The following SLC38A11 variants were observed in gnomAD, a reference collection of about 807,000 sequenced individuals.
The protein encoded by SLC38A11 is putative sodium-coupled neutral amino acid transporter 11.
Under a neutral mutation model 49.4 loss-of-function variants are expected in SLC38A11, and 51 were observed. The ratio of observed to expected loss-of-function variants is 1.03; its 90% CI spans 0.83 to 1.30. The LOEUF is 1.30. Ranked by LOEUF, SLC38A11 falls within the 50% of genes most tolerant of loss-of-function variation. The pLI is 0.00. For synonymous variants in SLC38A11, 203 were observed against 192.9 expected, an observed-to-expected ratio of 1.05 and a Z score of -0.43; for missense variants, 574 against 556.2, an observed-to-expected ratio of 1.03 and a Z score of -0.32.
chr2:164,944,871 C>A lies in SLC38A11; in HGVS notation c.365-237G>T, dbSNP rs80135534. On this transcript the variant is annotated intron_variant, in intron 4 of 11. Transcript: ENST00000685975. ...TTACAAGTTGATTCATCTCAGAATA[C>A]CTTTAAGTAGCAAGTTTTGGTAGTT... 1.2e-3 allele frequency among the ~76,000 whole-genome samples: 182 copies of A among 152,142 alleles called. 13 individuals carry two copies. In the East Asian group the frequency reaches 0.035, roughly 29 times the overall value.
chr2:164,924,678 T>G (rs930851232), intron 7 of SLC38A11, among the ~76,000 whole-genome samples: 5 of 152,074 alleles, frequency 3.3e-5, no homozygotes, highest in African/African-American at 9.7e-5. Context: ...TAGTTAAAAT[T>G]TACATAAAAC....
rs752894167 is a variant in SLC38A11 at position 164,915,281 on chromosome 2, A to G, written c.689-8T>C. On this transcript the variant is annotated splice_polypyrimidine_tract_variant and splice_region_variant and intron_variant, in intron 8 of 11. Transcript: ENST00000685975. ...TATGGTGGCAAATAAATGCTGCAATACAAAAAAAAAGAGCATTATTAAATC... is the reference window on the plus strand; with the variant it reads ...TATGGTGGCAAATAAATGCTGCAATGCAAAAAAAAAGAGCATTATTAAATC... The G allele has an allele frequency of 1.3e-6, 2 of 1,582,844 alleles. No homozygotes were observed. Among genetic ancestry groups the G allele is most frequent in the Non-Finnish European group, 1.7e-6 (2 of 1,170,116 alleles).
intron 3 of SLC38A11, among the ~76,000 whole-genome samples, chr2:164,950,652 T>C (rs538203749): frequency 6.6e-6 from 1 of 152,312 alleles, no homozygotes; most frequent in African/African-American, 2.4e-5. Flanking sequence ...TAAAAATTAT[T>C]TTATGTTAAT....
At chr2:164,936,143 A>T (rs1378602276) in intron 7 of SLC38A11, among the ~76,000 whole-genome samples, 3 of 152,194 alleles carry the variant, frequency 2.0e-5, no homozygotes, top group Non-Finnish European at 4.4e-5. Context: ...TGAAGAAAAA[A>T]ATAATATAAA....
At chr2:164,914,411 G>A (rs1685621203) in intron 9 of SLC38A11, among the ~76,000 whole-genome samples, 1 of 151,954 alleles carries the variant, frequency 6.6e-6, no homozygotes, top group Non-Finnish European at 1.5e-5. Flanking sequence ...TTGGAGGGAG[G>A]AAGAAAAGGT....
rs1684409203 is a variant in SLC38A11, at chr2:164,897,896, T to C, written c.*541A>G. 6.6e-6 allele frequency: 1 copy of C among 152,660 alleles called. No individual in the cohort carries two copies. The highest frequency in any genetic ancestry group is 6.5e-5 in the Admixed American group (1 of 15,270). The allele number at this position is 152,660 out of a possible 1,614,324, so 9.5% of individuals were successfully genotyped here. A position where few individuals can be genotyped will look rare whatever the true frequency, so the allele number is the denominator to read the frequency against. ...TCAGGATTCCTCACATGGAGAGGTC[T>C]TTGCTCATTTCTCCAGGGATCCATT... is the stretch of plus-strand genomic sequence containing the variant. On this transcript the variant is annotated 3_prime_UTR_variant, in exon 12 of 12. Transcript: ENST00000685975.
intron 8 of SLC38A11, 93 bp downstream of exon 8, chr2:164,915,810 A>G (rs1453766116): frequency 2.2e-6 from 2 of 913,452 alleles, no homozygotes; most frequent in South Asian, 1.8e-5. Context: ...AACTTAGGAC[A>G]TCTGCTATCC....
intron 2 of SLC38A11, 48 bp downstream of exon 2, chr2:164,954,583 A>G: frequency 1.1e-6 from 1 of 880,844 alleles, no homozygotes; most frequent in South Asian, 2.2e-5. Flanking sequence ...AGCGAGTCTT[A>G]AATTTTGCCC....
intron 6 of SLC38A11, among the ~76,000 whole-genome samples, chr2:164,938,794 T>G (rs1687549789): frequency 1.3e-5 from 2 of 152,206 alleles, no homozygotes; most frequent in Admixed American, 6.6e-5. Context: ...AAAAATATCT[T>G]ATCAGAATGT....
intron 11 of SLC38A11, among the ~76,000 whole-genome samples, chr2:164,903,079 G>A (rs1040355733): frequency 2.0e-5 from 3 of 152,138 alleles, no homozygotes; most frequent in Non-Finnish European, 4.4e-5. Context: ...TTAAGTTATG[G>A]AAGATACTGT....
intron 11 of SLC38A11, among the ~76,000 whole-genome samples, chr2:164,908,373 T>A (rs565398035): frequency 2.6e-5 from 4 of 152,056 alleles, no homozygotes; most frequent in Non-Finnish European, 2.9e-5. Context: ...GGGATGTATA[T>A]CCCTGGCCTC....
chr2:164,921,250 G>T (rs1035640744), intron 7 of SLC38A11, among the ~76,000 whole-genome samples: 3 of 152,006 alleles, frequency 2.0e-5, no homozygotes, highest in African/African-American at 7.2e-5. Context: ...AAAAGGTTTT[G>T]GTAGGAGGCT....
At position 164,930,178 on chromosome 2, in the gene SLC38A11, T is replaced by A. The variant is rs1031524813; in HGVS notation, c.617+7172A>T. Among the ~76,000 whole-genome samples, 7 of 151,988 alleles carry A rather than the reference T, an allele frequency of 4.6e-5. No individual in the cohort carries two copies. In the South Asian group the frequency reaches 1.5e-3, roughly 32 times the overall value. ...AGAAATGGATAAATTCCTGGATACA[T>A]ACACCCTCCCAAGACTGAACCAAGA... is the stretch of plus-strand genomic sequence containing the variant. On this transcript the variant is annotated intron_variant, in intron 7 of 11. Coordinates refer to ENST00000685975, the MANE Select transcript of SLC38A11 (RefSeq NM_001351537.2).
Position 164,898,729 on chromosome 2 carries a change from C to T in SLC38A11, c.1097G>A (p.Gly366Asp). 6.2e-7 allele frequency: 1 copy of T among 1,602,532 alleles called. No individual in the cohort carries two copies. Among genetic ancestry groups the T allele is most frequent in the Non-Finnish European group, 8.5e-7 (1 of 1,172,654 alleles). ...DCLGIVLELN[G>D]VLCATPLIFI... Reference sequence around the variant, plus strand: ...AATGAGGGGAGTTGCACAGAGCACACCCTGCATGTTGAAAACAAGAAACAA... The same window carrying T: ...AATGAGGGGAGTTGCACAGAGCACATCCTGCATGTTGAAAACAAGAAACAA... The change falls in exon 12 of 12, where the codon GGT becomes GAT. Residue 366 changes from glycine to aspartate, a missense_variant and splice_region_variant. Physicochemically the swap from Gly to Asp is moderately conservative, Grantham distance 94. Coordinates refer to ENST00000685975, the MANE Select transcript of SLC38A11 (RefSeq NM_001351537.2).
At chr2:164,933,851 G>A (rs1016599722) in intron 7 of SLC38A11, among the ~76,000 whole-genome samples, 3 of 152,092 alleles carry the variant, frequency 2.0e-5, no homozygotes, top group Non-Finnish European at 2.9e-5. Flanking sequence ...ATGAACAGAA[G>A]TTGTTTGCAG....
chr2:164,948,679 A>G (rs1688302468), intron 3 of SLC38A11, among the ~76,000 whole-genome samples: 2 of 152,178 alleles, frequency 1.3e-5, no homozygotes, highest in African/African-American at 4.8e-5. Context: ...ATTTCACATT[A>G]CGACTGCATT....
At chr2:164,927,490 A>C (rs747908118) in intron 7 of SLC38A11, among the ~76,000 whole-genome samples, 1 of 152,174 alleles carries the variant, frequency 6.6e-6, no homozygotes, top group African/African-American at 2.4e-5. Flanking sequence ...AAATTATCAA[A>C]GGAGGGCCTT....
At chr2:164,918,632 T>A (rs1481623382) in intron 7 of SLC38A11, among the ~76,000 whole-genome samples, 2 of 152,150 alleles carry the variant, frequency 1.3e-5, no homozygotes. Flanking sequence ...CCTAGCTGAT[T>A]CAATAAAATA....
At position 164,954,713 on chromosome 2, in the gene SLC38A11, A is replaced by C; in HGVS notation, c.72T>G (p.Ser24=). The change falls in exon 2 of 12, where the codon TCT becomes TCG. Residue 24 remains serine, a synonymous_variant. Transcript: ENST00000685975. ...RDLDDRETLV[S]EHEYKEKTCQ... ...AGGTTTTCTCTTTATACTCATGTTC[A>C]GAAACAAGGGTTTCTCTGTCATCTA... is the stretch of plus-strand genomic sequence containing the variant. The C allele has an allele frequency of 6.5e-7, 1 of 1,537,882 alleles. No homozygotes were observed. The highest frequency in any genetic ancestry group is 8.8e-7 in the Non-Finnish European group (1 of 1,139,978).
Sources: allele counts gnomAD v4.1 joint callset (sites outside exome capture counted in the v4.1 genomes callset), GRCh38; gene constraint gnomAD v4.1.1; transcripts MANE v1.5; gene names NCBI Gene and HGNC (gene_info 2026-07-23, HGNC 2026-07-21).